RBM34: variants seen among roughly 807,000 people sequenced by gnomAD.
RBM34 encodes the protein RNA-binding protein 34.
In RBM34, 39 loss-of-function variants were observed where a neutral mutation model predicts 44.6. The observed-to-expected ratio is 0.87, with a 90% confidence interval of 0.68 to 1.14. RBM34 has a LOEUF of 1.14. Ranked by LOEUF, RBM34 falls within the 50% of genes most tolerant of loss-of-function variation. The pLI is 0.00. For missense variants in RBM34, 572 were observed against 517.9 expected, an observed-to-expected ratio of 1.10 and a Z score of -1.01; for synonymous variants, 194 against 184.0, an observed-to-expected ratio of 1.05 and a Z score of -0.44.
chr1:235,156,938 A>G (rs1662475698), intron 3 of RBM34, among the ~76,000 whole-genome samples: 2 of 152,242 alleles, frequency 1.3e-5, no homozygotes, highest in African/African-American at 4.8e-5. Context: ...TGTCTGGCAC[A>G]TAGTCCAATA....
intron 6 of RBM34, among the ~76,000 whole-genome samples, chr1:235,143,946 A>AG (rs1661794632): frequency 6.6e-6 from 1 of 152,196 alleles, no homozygotes; most frequent in African/African-American, 2.4e-5. Context: ...TGGGAGGCAA[A>AG]GGCAGGAGGG....
Position 235,135,733 on chromosome 1 carries a change from G to A in RBM34, c.927C>T (p.Asp309=). 1.2e-6 allele frequency: 2 copies of A among 1,614,164 alleles called. No individual in the cohort carries two copies. The highest frequency in any genetic ancestry group is 2.7e-5 in the African/African-American group (2 of 75,038). Residue 309 remains aspartate (D), a synonymous_variant, in exon 10 of 11, where the codon GAC becomes GAT. Transcript: ENST00000408888. ...EESAIEKHFL[D]CGSIMAVRIV... Reference sequence around the variant, plus strand: ...TCCTCACGGCCATGATACTTCCACAGTCCAGAAAGTGCTTCTCAATGGCAG... The same window carrying A: ...TCCTCACGGCCATGATACTTCCACAATCCAGAAAGTGCTTCTCAATGGCAG...
Position 235,135,699 on chromosome 1 carries a change from C to CCAA in RBM34, c.960_961insTTG (p.Arg320_Asp321insLeu). Reference sequence around the variant, plus strand: ...CCTTTGCCGATGCCTGTCATTTTGTCTCTCACAATCCTCACGGCCATGATA... The same window carrying CCAA: ...CCTTTGCCGATGCCTGTCATTTTGTCCAATCTCACAATCCTCACGGCCATGATA... On this transcript the variant is annotated inframe_insertion, in exon 10 of 11. Coordinates refer to ENST00000408888, the MANE Select transcript of RBM34 (RefSeq NM_015014.4). 6.2e-7 allele frequency: 1 copy of CCAA among 1,614,248 alleles called. No homozygotes were observed. Among genetic ancestry groups the CCAA allele is most frequent in the Non-Finnish European group, 8.5e-7 (1 of 1,180,040 alleles).
intron 3 of RBM34, among the ~76,000 whole-genome samples, chr1:235,159,869 CA>C (rs397983303): frequency 2.7e-4 from 38 of 140,134 alleles, no homozygotes; most frequent in East Asian, 4.4e-4. Flanking sequence ...AACTCCGTCT[CA>C]AAAAAAAAAA....
intron 2 of RBM34, 80 bp from the exon 3 acceptor site, chr1:235,160,727 A>G: frequency 6.5e-7 from 1 of 1,539,116 alleles, no homozygotes; most frequent in East Asian, 2.3e-5. Flanking sequence ...GTCTTTCTAA[A>G]TGAGAATCTC....
chr1:235,160,256 C>T (rs371347657), intron 3 of RBM34: 2 of 602,512 alleles, frequency 3.3e-6, no homozygotes, highest in Non-Finnish European at 6.2e-6. Context: ...CATCTCAAAA[C>T]AAACAAAAAC....
At chr1:235,142,926 CAA>C (rs34015202) in intron 6 of RBM34, among the ~76,000 whole-genome samples, 1,161 of 66,154 alleles carry the variant, frequency 0.018, 6 homozygotes, top group South Asian at 0.084. Flanking sequence ...GGATCCATCT[CAA>C]AAAAAAAAAA....
rs745306306 is a variant in RBM34, at chr1:235,161,178, C to T, written c.49G>A (p.Glu17Lys). ...CTCGTGCCGCGCGCCACTCACCCCT[C>T]CTGGACACTTCTCTTTCTCTTCCGT... ...SKRKRKRSVQEGENPDDGVRG... is the reference protein window; with the variant it reads ...SKRKRKRSVQKGENPDDGVRG... The change falls in exon 1 of 11, where the codon GAG becomes AAG. Residue 17 changes from glutamate (E) to lysine (K), a missense_variant. Physicochemically the swap from Glu to Lys is moderately conservative, Grantham distance 56 (BLOSUM62 1). Coordinates refer to ENST00000408888, the MANE Select transcript of RBM34 (RefSeq NM_015014.4). The T allele has an allele frequency of 2.5e-6, 4 of 1,607,128 alleles. No individual in the cohort carries two copies. The South Asian group carries it at 3.3e-5, about 13-fold the overall frequency.
intron 3 of RBM34, among the ~76,000 whole-genome samples, chr1:235,157,424 G>A (rs1233111431): frequency 1.3e-5 from 2 of 152,326 alleles, no homozygotes; most frequent in African/African-American, 4.8e-5. Context: ...TAGGCAACTA[G>A]AAGGCTAGTG....
intron 3 of RBM34, among the ~76,000 whole-genome samples, chr1:235,155,874 T>C (rs1439217592): frequency 2.6e-5 from 1 of 38,912 alleles, no homozygotes; most frequent in African/African-American, 1.9e-4. Flanking sequence ...TATACATATA[T>C]ACTTTTTTTT....
At position 235,155,092 on chromosome 1, in the gene RBM34, G is replaced by A. The variant is rs1335821934; in HGVS notation, c.386C>T (p.Ala129Val). Residue 129 changes from alanine (A) to valine (V), a missense_variant, in exon 4 of 11, where the codon GCT becomes GTT. Transcript: ENST00000408888. ...CTGGTGAATTTCTTCTTCTAAATCA[G>A]CACTCGCTAGAGCGCTTTCCCTTTT... Reference protein sequence around the residue: ...LADRESALASADLEEEIHQKQ... With the variant: ...LADRESALASVDLEEEIHQKQ... 2 of 1,613,004 alleles carry A rather than the reference G, an allele frequency of 1.2e-6. No homozygotes were observed. The highest frequency in any genetic ancestry group is 3.4e-5 in the Admixed American group (2 of 59,652).
intron 5 of RBM34, among the ~76,000 whole-genome samples, chr1:235,148,896 C>T (rs903985087): frequency 1.3e-5 from 2 of 151,864 alleles, no homozygotes; most frequent in Admixed American, 1.3e-4. Flanking sequence ...CCACGGCTGG[C>T]CAATCATCTT....
At chr1:235,149,127 A>G (rs1043636072) in intron 5 of RBM34, among the ~76,000 whole-genome samples, 24 of 151,356 alleles carry the variant, frequency 1.6e-4, no homozygotes, top group African/African-American at 3.4e-4. Flanking sequence ...GGTGGCTCAC[A>G]CCTGTAATCC....
Position 235,148,388 on chromosome 1 carries a change from C to T in RBM34, c.701+16G>A. On this transcript the variant is annotated intron_variant, in intron 6 of 10. Transcript: ENST00000408888. ...GAAAGTTTAAGGTGACTCCCTTTCT[C>T]TAATTATAAACTTACTTTATTGCTG... is the stretch of plus-strand genomic sequence containing the variant. 1 of 1,573,684 alleles carries T rather than the reference C, an allele frequency of 6.4e-7. No individual in the cohort carries two copies. The highest frequency in any genetic ancestry group is 8.6e-7 in the Non-Finnish European group (1 of 1,158,228).
At chr1:235,139,200 CTACTG>C (rs1185387312) in intron 6 of RBM34, among the ~76,000 whole-genome samples, 8 of 152,266 alleles carry the variant, frequency 5.3e-5, no homozygotes, top group South Asian at 4.1e-4. Context: ...AGACATCAAC[CTACTG>C]TTTTGAAGTA....
chr1:235,155,239 A>G (rs377760022), intron 3 of RBM34, 127 bp from the exon 4 acceptor site: 3 of 770,240 alleles, frequency 3.9e-6, no homozygotes, highest in South Asian at 1.7e-5. Context: ...TCCTAGATTT[A>G]CTACTCACAA....
chr1:235,152,270 T>A (rs1662196533), intron 5 of RBM34, among the ~76,000 whole-genome samples: 1 of 152,204 alleles, frequency 6.6e-6, no homozygotes, highest in Non-Finnish European at 1.5e-5. Flanking sequence ...AAAGTTTTAA[T>A]ATTAAATTGA....
intron 6 of RBM34, among the ~76,000 whole-genome samples, chr1:235,144,465 T>C (rs2102841260): frequency 7.2e-6 from 1 of 137,948 alleles, no homozygotes; most frequent in Non-Finnish European, 1.5e-5. Context: ...ACATGTCAAA[T>C]ATGTGCAGTT....
rs772457963 is a variant in RBM34 at position 235,135,216 on chromosome 1, T to C, written c.1008+436A>G. On this transcript the variant is annotated intron_variant, in intron 10 of 10. Transcript: ENST00000408888. ...TGAGCCACCACATCTGGCTAATTTTTAAATTTTTTGTATTTTTTTTTTTCC... is the reference window on the plus strand; with the variant it reads ...TGAGCCACCACATCTGGCTAATTTTCAAATTTTTTGTATTTTTTTTTTTCC... Among the ~76,000 whole-genome samples, 31 of 135,452 alleles carry C rather than the reference T, an allele frequency of 2.3e-4. 1 individual carries two copies. The highest frequency in any genetic ancestry group is 4.3e-4 in the Non-Finnish European group (27 of 62,320). 88.9% of individuals were successfully genotyped at this position (135,452 alleles called of 152,430 possible).
Sources: allele counts gnomAD v4.1 joint callset (sites outside exome capture counted in the v4.1 genomes callset), GRCh38; gene constraint gnomAD v4.1.1; transcripts MANE v1.5; gene names NCBI Gene and HGNC (gene_info 2026-07-23, HGNC 2026-07-21).